Variants in POM121L12 observed in about 807,000 individuals in gnomAD.
POM121L12 encodes POM121 transmembrane nucleoporin like 12.
For missense variants in POM121L12, 553 were observed against 409.2 expected, an observed-to-expected ratio of 1.35 and a Z score of -3.03; for synonymous variants, 251 against 179.2, an observed-to-expected ratio of 1.40 and a Z score of -3.20.
rs770031870 is a variant in POM121L12 at position 53,036,289 on chromosome 7, C to T, written c.618C>T (p.Gly206=). 3.7e-6 allele frequency: 6 copies of T among 1,613,990 alleles called. No individual in the cohort carries two copies. The highest frequency in any genetic ancestry group is 1.3e-5 in the African/African-American group (1 of 74,938). Residue 206 remains glycine (G), a synonymous_variant, in exon 1 of 1, where the codon GGC becomes GGT. Transcript: ENST00000408890. ...LWFEVSDSKG[G]RRNLQPRPSA... is the part of the protein sequence containing the mutation. ...TCGAGGTCTCAGACAGCAAGGGTGG[C>T]AGGCGGAACCTGCAGCCCCGGCCCT...
At position 53,035,772 on chromosome 7, in the gene POM121L12, G is replaced by A. The variant is rs1324112438; in HGVS notation, c.101G>A (p.Ser34Asn). ...CCCGACGCCCTGGCGGCTCCCATGA[G>A]CAGGTCACCCAGCACGCCCCAGACC... is the stretch of plus-strand genomic sequence containing the variant. ...QGPDALAAPMSRSPSTPQTTP... is the reference protein window; with the variant it reads ...QGPDALAAPMNRSPSTPQTTP... The change falls in exon 1 of 1, where the codon AGC becomes AAC. Residue 34 changes from serine to asparagine, a missense_variant. Physicochemically the swap from Ser to Asn is conservative, Grantham distance 46. Coordinates refer to ENST00000408890, the MANE Select transcript of POM121L12 (RefSeq NM_182595.4). 1.2e-6 allele frequency: 2 copies of A among 1,613,496 alleles called. No homozygotes were observed. Among genetic ancestry groups the A allele is most frequent in the Non-Finnish European group, 1.7e-6 (2 of 1,179,876 alleles).
Position 53,036,377 on chromosome 7 carries a change from C to T in POM121L12, c.706C>T (p.Leu236=), listed in dbSNP as rs1245238674. 1 of 1,613,700 alleles carries T rather than the reference C, an allele frequency of 6.2e-7. No individual in the cohort carries two copies. The highest frequency in any genetic ancestry group is 1.1e-5 in the South Asian group (1 of 91,052). The change falls in exon 1 of 1, where the codon CTG becomes TTG. Residue 236 remains leucine, a synonymous_variant. Transcript: ENST00000408890. ...TTCCTTCGTGCCCAGGCCAGGGCCTCTGAAGCCGAGCCTCGGCCCCTGGAG... is the reference window on the plus strand; with the variant it reads ...TTCCTTCGTGCCCAGGCCAGGGCCTTTGAAGCCGAGCCTCGGCCCCTGGAG... ...VASFVPRPGP[L]KPSLGPWSLS...
chr7:53,036,154 A>G lies in POM121L12; in HGVS notation c.483A>G (p.Ala161=). The G allele has an allele frequency of 6.2e-7, 1 of 1,609,164 alleles. No homozygotes were observed. The highest frequency in any genetic ancestry group is 1.1e-5 in the South Asian group (1 of 90,910). Residue 161 remains alanine (A), a synonymous_variant, in exon 1 of 1, where the codon GCA becomes GCG. Transcript: ENST00000408890. ...CCCCTGGACAGAGAGCCCGCCCCGC[A>G]GGCCGCCCCGCCGCCCAGGAGCTCC... ...WRSPGQRARP[A]GRPAAQELLD...
Position 53,036,184 on chromosome 7 carries a change from C to G in POM121L12, c.513C>G (p.Asp171Glu), listed in dbSNP as rs757344361. Residue 171 changes from aspartate (D) to glutamate (E), a missense_variant, in exon 1 of 1, where the codon GAC (aspartate) becomes GAG (glutamate). Asp to Glu is a conservative substitution (Grantham distance 45, BLOSUM62 2). Coordinates refer to ENST00000408890, the MANE Select transcript of POM121L12 (RefSeq NM_182595.4). ...GCCCCGCCGCCCAGGAGCTCCTGGA[C>G]CCCTGCACCCGGGAGACTCTGCTGG... ...AGRPAAQELLDPCTRETLLGA... is the reference protein window; with the variant it reads ...AGRPAAQELLEPCTRETLLGA... 1.2e-6 allele frequency: 2 copies of G among 1,611,234 alleles called. No individual in the cohort carries two copies. The highest frequency in any genetic ancestry group is 8.5e-7 in the Non-Finnish European group (1 of 1,179,564).
chr7:53,036,672 A>C lies in POM121L12; in HGVS notation c.*110A>C. 40 of 1,188,260 alleles carry C rather than the reference A, an allele frequency of 3.4e-5. No individual in the cohort carries two copies. Among genetic ancestry groups the C allele is most frequent in the Non-Finnish European group, 4.4e-5 (37 of 842,140 alleles). The allele number at this position is 1,188,260 out of a possible 1,614,324, so 73.6% of individuals were successfully genotyped here. A position where few individuals can be genotyped will look rare whatever the true frequency, so the allele number is the denominator to read the frequency against. On this transcript the variant is annotated 3_prime_UTR_variant, in exon 1 of 1. Coordinates refer to ENST00000408890, the MANE Select transcript of POM121L12 (RefSeq NM_182595.4). Reference sequence around the variant, plus strand: ...GGGCCCTGACACCACGTTATCAAACATGCAGCCCCCACACCCCTCGTCTGC... The same window carrying C: ...GGGCCCTGACACCACGTTATCAAACCTGCAGCCCCCACACCCCTCGTCTGC...
At position 53,036,595 on chromosome 7, in the gene POM121L12, A is replaced by C. The variant is rs377714149; in HGVS notation, c.*33A>C. ...GGCTCTGCTACCCACCTCCGGAGAC[A>C]CAAGCCCACGTATCTACTTTCACTT... On this transcript the variant is annotated 3_prime_UTR_variant, in exon 1 of 1. Coordinates refer to ENST00000408890, the MANE Select transcript of POM121L12 (RefSeq NM_182595.4). 7 of 1,563,072 alleles carry C rather than the reference A, an allele frequency of 4.5e-6. No individual in the cohort carries two copies. The highest frequency in any genetic ancestry group is 6.1e-6 in the Non-Finnish European group (7 of 1,155,792).
chr7:53,036,392 G>T lies in POM121L12; in HGVS notation c.721G>T (p.Gly241Cys). The change falls in exon 1 of 1, where the codon GGC becomes TGC. Residue 241 changes from glycine (G) to cysteine (C), a missense_variant. By Grantham distance (159) the Gly-to-Cys change is radical (BLOSUM62 -3). Coordinates refer to ENST00000408890, the MANE Select transcript of POM121L12 (RefSeq NM_182595.4). ...GCCAGGGCCTCTGAAGCCGAGCCTC[G>T]GCCCCTGGAGCCTCAGTTTTTGTGA... ...PRPGPLKPSL[G>C]PWSLSFCDDA... 6.2e-7 allele frequency: 1 copy of T among 1,613,708 alleles called. No individual in the cohort carries two copies. The highest frequency in any genetic ancestry group is 8.5e-7 in the Non-Finnish European group (1 of 1,179,986).
Position 53,036,779 on chromosome 7 carries a change from C to A in POM121L12, c.*217C>A. 1.8e-6 allele frequency: 1 copy of A among 546,230 alleles called. No homozygotes were observed. Among genetic ancestry groups the A allele is most frequent in the Non-Finnish European group, 3.3e-6 (1 of 304,180 alleles). The allele number at this position is 546,230 out of a possible 1,614,324, so 33.8% of individuals were successfully genotyped here. ...AACCCTTGCCTTCGCCCTGCTGGCC[C>A]TCTCCTCCCTGCCCTTCTTCCTGCC... is the stretch of plus-strand genomic sequence containing the variant. On this transcript the variant is annotated 3_prime_UTR_variant, in exon 1 of 1. Transcript: ENST00000408890.
At position 53,035,858 on chromosome 7, in the gene POM121L12, A is replaced by G; in HGVS notation, c.187A>G (p.Ile63Val). The change falls in exon 1 of 1, where the codon ATT (isoleucine) becomes GTT (valine). Residue 63 changes from isoleucine (I) to valine (V), a missense_variant. By Grantham distance (29) the Ile-to-Val change is conservative. Transcript: ENST00000408890. ...CCTGAGGTCCCTGACTCAGAGCCAT[A>G]TTCAGTACTTCCAGTGGGGGCGCCC... ...WPLRSLTQSH[I>V]QYFQWGRPVP... 1 of 1,613,466 alleles carries G rather than the reference A, an allele frequency of 6.2e-7. No homozygotes were observed. The highest frequency in any genetic ancestry group is 8.5e-7 in the Non-Finnish European group (1 of 1,179,768).
rs1225308360 is a variant in POM121L12 at position 53,035,667 on chromosome 7, C to A, written c.-5C>A. On this transcript the variant is annotated 5_prime_UTR_variant, in exon 1 of 1. Transcript: ENST00000408890. The stretch of plus-strand genomic sequence containing the variant: ...AAGCGCCCAGAGGCCAACGGTCCCC[C>A]AGCCATGGGCGCTGCAGCTCCGGCC... 1 of 1,556,946 alleles carries A rather than the reference C, an allele frequency of 6.4e-7. No individual in the cohort carries two copies. The highest frequency in any genetic ancestry group is 1.2e-5 in the South Asian group (1 of 85,444).
chr7:53,036,605 G>T lies in POM121L12; in HGVS notation c.*43G>T, dbSNP rs373056849. On this transcript the variant is annotated 3_prime_UTR_variant, in exon 1 of 1. Coordinates refer to ENST00000408890, the MANE Select transcript of POM121L12 (RefSeq NM_182595.4). ...CCCACCTCCGGAGACACAAGCCCAC[G>T]TATCTACTTTCACTTGCTCATCCTT... The T allele has an allele frequency of 7.9e-5, 122 of 1,547,154 alleles. No homozygotes were observed. In the African/African-American group the frequency reaches 1.6e-3, roughly 20 times the overall value.
rs1583692780 is a variant in POM121L12 at position 53,036,643 on chromosome 7, C to A, written c.*81C>A. On this transcript the variant is annotated 3_prime_UTR_variant, in exon 1 of 1. Coordinates refer to ENST00000408890, the MANE Select transcript of POM121L12 (RefSeq NM_182595.4). Reference sequence around the variant, plus strand: ...CTTGCTCATCCTTGCTCTACCTCAACGTGGGGCCCTGACACCACGTTATCA... The same window carrying A: ...CTTGCTCATCCTTGCTCTACCTCAAAGTGGGGCCCTGACACCACGTTATCA... 2 of 1,450,716 alleles carry A rather than the reference C, an allele frequency of 1.4e-6. No homozygotes were observed. The highest frequency in any genetic ancestry group is 1.9e-6 in the Non-Finnish European group (2 of 1,071,724). 89.9% of individuals were successfully genotyped at this position (1,450,716 alleles called of 1,614,324 possible).
At position 53,035,734 on chromosome 7, in the gene POM121L12, C is replaced by G; in HGVS notation, c.63C>G (p.Pro21=). Reference sequence around the variant, plus strand: ...GGAACTTCTGGAAGGCGGGAGAACCCCTGCTGCAAGGCCCCGACGCCCTGG... The same window carrying G: ...GGAACTTCTGGAAGGCGGGAGAACCGCTGCTGCAAGGCCCCGACGCCCTGG... The part of the protein sequence containing the change: ...DLGNFWKAGE[P]LLQGPDALAA... The change falls in exon 1 of 1, where the codon CCC becomes CCG. Residue 21 remains proline (P), a synonymous_variant. Coordinates refer to ENST00000408890, the MANE Select transcript of POM121L12 (RefSeq NM_182595.4). 10 of 1,612,732 alleles carry G rather than the reference C, an allele frequency of 6.2e-6. No homozygotes were observed. Among genetic ancestry groups the G allele is most frequent in the South Asian group, 2.2e-5 (2 of 90,910 alleles).
Position 53,036,268 on chromosome 7 carries a change from G to T in POM121L12, c.597G>T (p.Glu199Asp). 6.2e-7 allele frequency: 1 copy of T among 1,614,096 alleles called. No individual in the cohort carries two copies. ...GGTTCGACGGGCCGTTGTGGTTCGA[G>T]GTCTCAGACAGCAAGGGTGGCAGGC... ...SARFDGPLWFEVSDSKGGRRN... is the reference protein window; with the variant it reads ...SARFDGPLWFDVSDSKGGRRN... The change falls in exon 1 of 1, where the codon GAG (glutamate) becomes GAT (aspartate). Residue 199 changes from glutamate to aspartate, a missense_variant. Coordinates refer to ENST00000408890, the MANE Select transcript of POM121L12 (RefSeq NM_182595.4).
Position 53,036,088 on chromosome 7 carries a change from C to A in POM121L12, c.417C>A (p.Ile139=), listed in dbSNP as rs534712268. ...GACGGACCTGGAGCCCGGTGACCAT[C>A]GGGATCGCGCCCCCTGAGCGTCAGG... is the stretch of plus-strand genomic sequence containing the variant. ...NPGRTWSPVT[I]GIAPPERQES... The change falls in exon 1 of 1, where the codon ATC becomes ATA. Residue 139 remains isoleucine, a synonymous_variant. Coordinates refer to ENST00000408890, the MANE Select transcript of POM121L12 (RefSeq NM_182595.4). 2 of 1,612,588 alleles carry A rather than the reference C, an allele frequency of 1.2e-6. No homozygotes were observed. Among genetic ancestry groups the A allele is most frequent in the Non-Finnish European group, 1.7e-6 (2 of 1,179,828 alleles).
Position 53,036,444 on chromosome 7 carries a change from A to C in POM121L12, c.773A>C (p.Gln258Pro). The C allele has an allele frequency of 6.2e-7, 1 of 1,613,832 alleles. No homozygotes were observed. The highest frequency in any genetic ancestry group is 1.1e-5 in the South Asian group (1 of 91,084). Residue 258 changes from glutamine to proline, a missense_variant, in exon 1 of 1, where the codon CAG becomes CCG. Gln to Pro is a moderately conservative substitution (Grantham distance 76). Transcript: ENST00000408890. The stretch of plus-strand genomic sequence containing the variant: ...GATGCTTGGCCTTCCGTGCTGGTCC[A>C]GCCCGCCCCATCCGCCATCTGGGAC... ...CDDAWPSVLV[Q>P]PAPSAIWDFW...
Position 53,036,291 on chromosome 7 carries a change from G to A in POM121L12, c.620G>A (p.Arg207Lys). 6.2e-7 allele frequency: 1 copy of A among 1,614,154 alleles called. No individual in the cohort carries two copies. The highest frequency in any genetic ancestry group is 8.5e-7 in the Non-Finnish European group (1 of 1,180,024). ...GAGGTCTCAGACAGCAAGGGTGGCA[G>A]GCGGAACCTGCAGCCCCGGCCCTCT... is the stretch of plus-strand genomic sequence containing the variant. ...WFEVSDSKGG[R>K]RNLQPRPSAF... The change falls in exon 1 of 1, where the codon AGG becomes AAG. Residue 207 changes from arginine to lysine, a missense_variant. Physicochemically the swap from Arg to Lys is conservative, Grantham distance 26 (BLOSUM62 2). Coordinates refer to ENST00000408890, the MANE Select transcript of POM121L12 (RefSeq NM_182595.4).
At position 53,036,369 on chromosome 7, in the gene POM121L12, C is replaced by G. The variant is rs751108331; in HGVS notation, c.698C>G (p.Pro233Arg). The change falls in exon 1 of 1, where the codon CCA (proline) becomes CGA (arginine). Residue 233 changes from proline (P) to arginine (R), a missense_variant. By Grantham distance (103) the Pro-to-Arg change is moderately radical (BLOSUM62 -2). Transcript: ENST00000408890. ...GCGGTTGCTTCCTTCGTGCCCAGGC[C>G]AGGGCCTCTGAAGCCGAGCCTCGGC... ...NGAVASFVPRPGPLKPSLGPW... is the reference protein window; with the variant it reads ...NGAVASFVPRRGPLKPSLGPW... The G allele has an allele frequency of 6.2e-7, 1 of 1,613,730 alleles. No homozygotes were observed.
rs73357087 is a variant in POM121L12 at position 53,036,101 on chromosome 7, C to T, written c.430C>T (p.Pro144Ser). The T allele has an allele frequency of 0.14, 220,273 of 1,611,990 alleles. 16,059 individuals carry two copies. The highest frequency in any genetic ancestry group is 0.19 in the African/African-American group (14,382 of 74,956). ...WSPVTIGIAP[P>S]ERQESPWRSP... ...CCCGGTGACCATCGGGATCGCGCCCCCTGAGCGTCAGGAGAGCCCCTGGAG... is the reference window on the plus strand; with the variant it reads ...CCCGGTGACCATCGGGATCGCGCCCTCTGAGCGTCAGGAGAGCCCCTGGAG... Residue 144 changes from proline to serine, a missense_variant, in exon 1 of 1, where the codon CCT (proline) becomes TCT (serine). Coordinates refer to ENST00000408890, the MANE Select transcript of POM121L12 (RefSeq NM_182595.4).
Sources: allele counts gnomAD v4.1 joint callset, GRCh38; gene constraint gnomAD v4.1.1; transcripts MANE v1.5; gene names NCBI Gene and HGNC (gene_info 2026-07-23, HGNC 2026-07-21).